Variants in KCNC2 observed in about 807,000 individuals in gnomAD.
KCNC2 encodes the protein voltage-gated potassium channel KCNC2.
A neutral mutation model predicts 44.5 loss-of-function variants in KCNC2; 21 were observed. The ratio of observed to expected loss-of-function variants is 0.47; its 90% CI spans 0.33 to 0.68. The LOEUF is 0.68. KCNC2 is among the 30% of genes least tolerant of loss of function. The pLI is 0.01. For synonymous variants in KCNC2, 391 were observed against 339.1 expected (o/e 1.15, Z -1.68); for missense variants, 589 against 826.2 (o/e 0.71, Z 3.52).
At chr12:75,130,841 G>A (rs928489831) in intron 2 of KCNC2, among the ~76,000 whole-genome samples, 1 of 151,366 alleles carries the variant, frequency 6.6e-6, no homozygotes, top group Non-Finnish European at 1.5e-5. Context: ...AGACAGATAG[G>A]GAAGCTCAGA....
intron 4 of KCNC2, among the ~76,000 whole-genome samples, chr12:75,047,903 C>A (rs1375786565): frequency 6.6e-6 from 1 of 151,956 alleles, no homozygotes; most frequent in Admixed American, 6.6e-5. Context: ...CATTCCAATT[C>A]TGCCCATAGA....
At chr12:75,094,369 T>C (rs1473150372) in intron 2 of KCNC2, among the ~76,000 whole-genome samples, 2 of 151,672 alleles carry the variant, frequency 1.3e-5, no homozygotes, top group South Asian at 2.1e-4. Context: ...ATTCTCAAAC[T>C]GAACAGAGTA....
intron 2 of KCNC2, among the ~76,000 whole-genome samples, chr12:75,066,176 T>G (rs1592790816): frequency 6.6e-6 from 1 of 152,268 alleles, no homozygotes; most frequent in East Asian, 1.9e-4. Flanking sequence ...TTTTTTATAA[T>G]TATCCAATGT....
At chr12:75,132,443 T>G (rs1236333375) in intron 2 of KCNC2, among the ~76,000 whole-genome samples, 1 of 152,130 alleles carries the variant, frequency 6.6e-6, no homozygotes, top group East Asian at 1.9e-4. Context: ...GGCCATGGGT[T>G]TATGGATGTT....
rs903014682 is a variant in KCNC2 at position 75,079,288 on chromosome 12, A to G, written c.688-27971T>C. 2.6e-5 allele frequency among the ~76,000 whole-genome samples: 4 copies of G among 152,096 alleles called. 1 individual carries two copies. In the South Asian group the frequency reaches 6.2e-4, roughly 24 times the overall value. On this transcript the variant is annotated intron_variant, in intron 2 of 4. Coordinates refer to ENST00000549446, the MANE Select transcript of KCNC2 (RefSeq NM_139137.4). ...ATAAGAACACATCCCCAAATGCCCT[A>G]GAGTTCCCAGAAATTCTCCAGTGAC...
At chr12:75,055,333 A>G (rs35905746) in intron 2 of KCNC2, among the ~76,000 whole-genome samples, 129,245 of 151,858 alleles carry the variant, frequency 0.85, 55,350 homozygotes, top group Admixed American at 0.9. Context: ...AAGCAAAAAA[A>G]AAAGCCAAAT....
chr12:75,082,315 C>G (rs940315022), intron 2 of KCNC2, among the ~76,000 whole-genome samples: 1 of 151,704 alleles, frequency 6.6e-6, no homozygotes, highest in Non-Finnish European at 1.5e-5. Flanking sequence ...AATAATTTTA[C>G]TTAAAATTAT....
chr12:75,082,093 T>C (rs1405674893), intron 2 of KCNC2, among the ~76,000 whole-genome samples: 1 of 151,978 alleles, frequency 6.6e-6, no homozygotes, highest in Non-Finnish European at 1.5e-5. Flanking sequence ...TTTCTTACTA[T>C]TATCTCACAG....
intron 4 of KCNC2, chr12:75,043,803 A>G (rs756490241): frequency 3.3e-5 from 49 of 1,489,464 alleles, no homozygotes; most frequent in Non-Finnish European, 4.1e-5. Context: ...TGGAATGCCC[A>G]TTTCTAATTC....
chr12:75,079,178 A>G (rs761821496), intron 2 of KCNC2, among the ~76,000 whole-genome samples: 1 of 152,078 alleles, frequency 6.6e-6, no homozygotes, highest in Non-Finnish European at 1.5e-5. Context: ...AGAACATGAA[A>G]ATATGGTAAA....
intron 4 of KCNC2, chr12:75,044,727 T>G (rs1292410772): frequency 6.6e-6 from 1 of 151,992 alleles, no homozygotes; most frequent in Non-Finnish European, 1.5e-5. Context: ...GCACACACAT[T>G]AACCTTCAGC....
intron 2 of KCNC2, among the ~76,000 whole-genome samples, chr12:75,072,903 G>A (rs1883562013): frequency 2.0e-5 from 3 of 152,222 alleles, no homozygotes; most frequent in South Asian, 4.2e-4. Context: ...TGGGATTTAG[G>A]CTCTCTTGAT....
At chr12:75,052,862 A>T (rs1443292834) in intron 2 of KCNC2, among the ~76,000 whole-genome samples, 1 of 152,148 alleles carries the variant, frequency 6.6e-6, no homozygotes, top group African/African-American at 2.4e-5. Flanking sequence ...GCCAGTTAGT[A>T]CATCAGCTGT....
chr12:75,062,357 T>A (rs1592783946), intron 2 of KCNC2, among the ~76,000 whole-genome samples: 3 of 152,224 alleles, frequency 2.0e-5, no homozygotes, highest in African/African-American at 7.2e-5. Context: ...ACTCTGGTCA[T>A]CAATACTGCA....
At chr12:75,208,867 A>T (rs568127103) in intron 1 of KCNC2, among the ~76,000 whole-genome samples, 12 of 148,886 alleles carry the variant, frequency 8.1e-5, no homozygotes, top group African/African-American at 3.1e-4. Context: ...GGAAACAACT[A>T]ACTAAGATCC....
intron 2 of KCNC2, among the ~76,000 whole-genome samples, chr12:75,115,643 C>T (rs1220918177): frequency 1.3e-5 from 2 of 152,090 alleles, no homozygotes; most frequent in Non-Finnish European, 2.9e-5. Context: ...AATACTTTTC[C>T]GAATTAGTTC....
chr12:75,092,648 T>C (rs112768302), intron 2 of KCNC2, among the ~76,000 whole-genome samples: 116 of 151,760 alleles, frequency 7.6e-4, no homozygotes, highest in African/African-American at 2.5e-3. Flanking sequence ...ATAATTATGA[T>C]ACTCAATTGT....
chr12:75,128,011 T>A (rs1382506652), intron 2 of KCNC2, among the ~76,000 whole-genome samples: 2 of 152,102 alleles, frequency 1.3e-5, no homozygotes, highest in Admixed American at 1.3e-4. Context: ...CAAATGAGAA[T>A]GGCAATGATA....
At chr12:75,111,824 A>G (rs1887272135) in intron 2 of KCNC2, among the ~76,000 whole-genome samples, 1 of 152,144 alleles carries the variant, frequency 6.6e-6, no homozygotes, top group Admixed American at 6.5e-5. Flanking sequence ...ACAGAGAATT[A>G]CAGCACATAT....
Sources: gnomAD v4.1 joint callset for allele counts (sites outside exome capture counted in the v4.1 genomes callset) on GRCh38, gnomAD v4.1.1 for gene constraint, MANE v1.5 for transcripts, NCBI Gene and HGNC (gene_info 2026-07-23, HGNC 2026-07-21) for gene names.